Variants in MSH4 observed in about 807,000 individuals in gnomAD.
MSH4 encodes the protein mutS homolog 4.
Under a neutral mutation model 113.7 loss-of-function variants are expected in MSH4, and 106 were observed. That is an observed-to-expected ratio of 0.93 (90% confidence interval 0.80 to 1.10). The LOEUF (loss-of-function observed/expected upper bound fraction) is 1.10, where lower values mean the gene tolerates loss of function less well. Among genes scored for constraint, MSH4 ranks in the 50% least tolerant of loss-of-function variants. The pLI, the probability that MSH4 is intolerant of heterozygous loss-of-function variation, is 0.00. For missense variants in MSH4, 1,061 were observed against 1,093.7 expected (o/e 0.97, Z 0.42); for synonymous variants, 368 against 380.2 (o/e 0.97, Z 0.37).
chr1:75,840,440 A>T (rs1446086117), intron 7 of MSH4, among the ~76,000 whole-genome samples: 1 of 144,420 alleles, frequency 6.9e-6, no homozygotes, highest in Non-Finnish European at 1.5e-5. Context: ...AACACTGCAT[A>T]TTCTCACTCA....
intron 8 of MSH4, among the ~76,000 whole-genome samples, chr1:75,855,066 C>T (rs1651285833): frequency 6.6e-6 from 1 of 151,256 alleles, no homozygotes; most frequent in South Asian, 2.1e-4. Flanking sequence ...GAGACAGAGT[C>T]TCACTCTGTT....
intron 14 of MSH4, among the ~76,000 whole-genome samples, chr1:75,881,620 T>A (rs1196412387): frequency 6.6e-6 from 1 of 151,884 alleles, no homozygotes. Flanking sequence ...ATTCCCCAAA[T>A]AAGAAAGACT....
intron 15 of MSH4, among the ~76,000 whole-genome samples, chr1:75,885,043 G>A (rs1218632797): frequency 3.8e-5 from 4 of 104,002 alleles, no homozygotes; most frequent in East Asian, 2.4e-4. Context: ...GTGTGTGTGT[G>A]TGTGTGTGTG....
intron 7 of MSH4, among the ~76,000 whole-genome samples, chr1:75,838,897 T>C: frequency 6.6e-6 from 1 of 152,226 alleles, no homozygotes; most frequent in East Asian, 1.9e-4. Flanking sequence ...TAGGCATCTT[T>C]AATACATGTT....
At chr1:75,874,028 A>G (rs1651765521) in intron 9 of MSH4, among the ~76,000 whole-genome samples, 1 of 152,210 alleles carries the variant, frequency 6.6e-6, no homozygotes, top group African/African-American at 2.4e-5. Context: ...GCTAATTTAC[A>G]TTCATACACC....
rs775023850 is a variant in MSH4 at position 75,806,235 on chromosome 1, G to GT, written c.428-716dup. Among the ~76,000 whole-genome samples, 167 of 60,782 alleles carry GT rather than the reference G, an allele frequency of 2.7e-3. 24 individuals are homozygous for GT. The highest frequency in any genetic ancestry group is 5.4e-3 in the East Asian group (10 of 1,836). The allele number at this position is 60,782 out of a possible 152,430, so 39.9% of individuals were successfully genotyped here. ...AATATTTTGATGACTTTTCTGTTTG[G>GT]TTTTTTTTTTTTTTTTTTTTTTTTT... On this transcript the variant is annotated intron_variant, in intron 2 of 19. Transcript: ENST00000263187.
chr1:75,885,444 C>CAT lies in MSH4; in HGVS notation c.2107+1638_2107+1639dup, dbSNP rs60096542. Among the ~76,000 whole-genome samples, 197 of 109,958 alleles carry CAT rather than the reference C, an allele frequency of 1.8e-3. 1 individual carries two copies. The highest frequency in any genetic ancestry group is 2.5e-3 in the Non-Finnish European group (142 of 57,090). 72.1% of individuals were successfully genotyped at this position (109,958 alleles called of 152,430 possible). ...AGTTGGTATCCTGAGTGTGTATATA[C>CAT]ATATATATATATATATGTATATATA... On this transcript the variant is annotated intron_variant, in intron 15 of 19. Coordinates refer to ENST00000263187, the MANE Select transcript of MSH4 (RefSeq NM_002440.4).
chr1:75,817,001 C>G (rs1650308113), intron 6 of MSH4, among the ~76,000 whole-genome samples: 1 of 152,164 alleles, frequency 6.6e-6, no homozygotes, highest in South Asian at 2.1e-4. Flanking sequence ...AGGCTGGTCT[C>G]AAACTCCTGG....
Position 75,886,538 on chromosome 1 carries a change from A to G in MSH4, c.2108-2713A>G, listed in dbSNP as rs1206845518. On this transcript the variant is annotated intron_variant, in intron 15 of 19. Transcript: ENST00000263187. ...ATATATATGATGTATTATATATATT[A>G]TTATCTATTATATACGATGTATTAT... Among the ~76,000 whole-genome samples the G allele has an allele frequency of 1.8e-5, 2 of 113,190 alleles. 1 individual carries two copies. The highest frequency in any genetic ancestry group is 3.3e-5 in the Non-Finnish European group (2 of 59,862). The allele number at this position is 113,190 out of a possible 152,430, so 74.3% of individuals were successfully genotyped here. A position where few individuals can be genotyped will look rare whatever the true frequency, so the allele number is the denominator to read the frequency against.
intron 17 of MSH4, among the ~76,000 whole-genome samples, chr1:75,891,367 T>G (rs945417086): frequency 2.6e-5 from 4 of 152,152 alleles, no homozygotes; most frequent in African/African-American, 9.7e-5. Flanking sequence ...ATAAAAATAC[T>G]TTTTCTTATT....
At chr1:75,825,720 A>C (rs1650531943) in intron 7 of MSH4, among the ~76,000 whole-genome samples, 2 of 152,174 alleles carry the variant, frequency 1.3e-5, no homozygotes, top group Admixed American at 6.5e-5. Flanking sequence ...TATTGAGATA[A>C]TCATGTGGTT....
chr1:75,886,510 A>ATGATG (rs1438530838), intron 15 of MSH4, among the ~76,000 whole-genome samples: 3 of 116,648 alleles, frequency 2.6e-5, no homozygotes, highest in Admixed American at 2.0e-4. Flanking sequence ...TGTATTATAT[A>ATGATG]TAATATATAT....
intron 19 of MSH4, among the ~76,000 whole-genome samples, chr1:75,901,258 T>C (rs923349670): frequency 2.0e-5 from 3 of 152,152 alleles, no homozygotes; most frequent in South Asian, 4.1e-4. Context: ...AGACTATTTC[T>C]TCAATCTAAC....
intron 17 of MSH4, among the ~76,000 whole-genome samples, chr1:75,897,485 G>A (rs971169053): frequency 6.6e-6 from 1 of 151,954 alleles, no homozygotes; most frequent in Non-Finnish European, 1.5e-5. Context: ...TTACAACTAG[G>A]GAGGCTACTT....
At chr1:75,899,500 G>A in intron 18 of MSH4, 118 bp from the exon 19 acceptor site, 1 of 515,074 alleles carries the variant, frequency 1.9e-6, no homozygotes, top group Non-Finnish European at 3.4e-6. Flanking sequence ...GAGTAGTTCA[G>A]AAGTGCCTCT....
intron 17 of MSH4, among the ~76,000 whole-genome samples, chr1:75,896,626 C>A (rs1405889685): frequency 6.6e-6 from 1 of 151,798 alleles, no homozygotes; most frequent in African/African-American, 2.4e-5. Flanking sequence ...ATATTATTTT[C>A]TAGTATAAAT....
intron 1 of MSH4, among the ~76,000 whole-genome samples, chr1:75,802,584 A>G (rs1287721753): frequency 1.3e-5 from 2 of 152,348 alleles, no homozygotes; most frequent in Non-Finnish European, 2.9e-5. Context: ...GTAATAGCTT[A>G]CATCAGTAGA....
Position 75,815,156 on chromosome 1 carries a change from A to AT in MSH4, c.815+27dup. ...GTCCAAGTAAGTTATATATTTATTTATTTTTTTACTAGCCCACAGCTACCA... is the reference window on the plus strand; with the variant it reads ...GTCCAAGTAAGTTATATATTTATTTATTTTTTTTACTAGCCCACAGCTACCA... On this transcript the variant is annotated intron_variant, in intron 5 of 19. Coordinates refer to ENST00000263187, the MANE Select transcript of MSH4 (RefSeq NM_002440.4). 2.3e-6 allele frequency: 3 copies of AT among 1,295,126 alleles called. No individual in the cohort carries two copies. The highest frequency in any genetic ancestry group is 1.4e-5 in the South Asian group (1 of 70,636). The allele number at this position is 1,295,126 out of a possible 1,614,324, so 80.2% of individuals were successfully genotyped here.
chr1:75,905,051 C>G (rs1652592490), intron 19 of MSH4, among the ~76,000 whole-genome samples: 2 of 150,732 alleles, frequency 1.3e-5, no homozygotes. Flanking sequence ...TTTATTTCTG[C>G]TTTGATCTCT....
Sources: allele counts gnomAD v4.1 joint callset (sites outside exome capture counted in the v4.1 genomes callset), GRCh38; gene constraint gnomAD v4.1.1; transcripts MANE v1.5; gene names NCBI Gene and HGNC (gene_info 2026-07-23, HGNC 2026-07-21).